Variants in ST8SIA1 observed in about 807,000 individuals in gnomAD.
ST8SIA1 encodes the protein ST8 alpha-N-acetyl-neuraminide alpha-2,8-sialyltransferase 1.
ST8SIA1 carries 16 observed loss-of-function variants against 35.9 expected under a neutral mutation model. That is an observed-to-expected ratio of 0.45 (90% CI 0.30 to 0.68). ST8SIA1 has a LOEUF of 0.68. ST8SIA1 is among the 30% of genes least tolerant of loss of function. The pLI is 0.09. For missense variants in ST8SIA1, 383 were observed against 453.6 expected (o/e 0.84, Z 1.41); for synonymous variants, 170 against 169.6 (o/e 1.00, Z -0.02).
chr12:22,231,718 C>G (rs951407268), intron 4 of ST8SIA1, among the ~76,000 whole-genome samples: 1 of 151,944 alleles, frequency 6.6e-6, no homozygotes, highest in Non-Finnish European at 1.5e-5. Flanking sequence ...GGACTACAGG[C>G]ACCCACCACC....
intron 4 of ST8SIA1, among the ~76,000 whole-genome samples, chr12:22,214,054 A>G (rs1004711300): frequency 3.9e-5 from 6 of 152,214 alleles, no homozygotes; most frequent in African/African-American, 1.4e-4. Flanking sequence ...GAGAAAGACT[A>G]TTATCCAAAT....
chr12:22,215,860 C>G (rs976710), intron 4 of ST8SIA1, among the ~76,000 whole-genome samples: 98,149 of 152,060 alleles, frequency 0.65, 31,987 homozygotes, highest in South Asian at 0.83. Context: ...GCAGGTCAAA[C>G]ACAGTTGTTT....
intron 2 of ST8SIA1, among the ~76,000 whole-genome samples, chr12:22,276,102 G>T (rs1362793201): frequency 6.6e-6 from 1 of 152,158 alleles, no homozygotes. Context: ...TTTCCCTCAG[G>T]CCTCTGCCTA....
At chr12:22,255,158 G>A (rs1865715428) in intron 3 of ST8SIA1, 122 bp downstream of exon 3, 4 of 769,380 alleles carry the variant, frequency 5.2e-6, no homozygotes, top group African/African-American at 5.1e-5. Flanking sequence ...TGGAAGTGAA[G>A]CTAAGGAGCG....
In ST8SIA1 at chr12:22,195,212, A is replaced by AAAG. The variant is rs66861803; in HGVS notation, c.*6339_*6340insCTT. The AAAG allele has an allele frequency of 7.9e-6, 1 of 127,178 alleles. No homozygotes were observed. The highest frequency in any genetic ancestry group is 1.7e-5 in the Non-Finnish European group (1 of 59,200). 7.9% of individuals were successfully genotyped at this position (127,178 alleles called of 1,614,324 possible). On this transcript the variant is annotated 3_prime_UTR_variant, in exon 5 of 5. Coordinates refer to ENST00000396037, the MANE Select transcript of ST8SIA1 (RefSeq NM_003034.4). ...ACAAAAAAAAAAAAAAAAAAAAAAA[A>AAAG]GAAAGAAAGAAAGAAAGGAAAAAGA...
intron 1 of ST8SIA1, among the ~76,000 whole-genome samples, chr12:22,320,173 A>G (rs991962269): frequency 6.6e-5 from 10 of 152,208 alleles, no homozygotes; most frequent in African/African-American, 2.4e-4. Context: ...TCTATAATGC[A>G]TCTATTTAAA....
chr12:22,266,830 C>T (rs1360858970), intron 2 of ST8SIA1, among the ~76,000 whole-genome samples: 1 of 145,476 alleles, frequency 6.9e-6, no homozygotes, highest in African/African-American at 2.5e-5. Flanking sequence ...CTCACACCCA[C>T]ACACATACAC....
chr12:22,195,205 A>AG lies in ST8SIA1; in HGVS notation c.*6346_*6347insC, dbSNP rs569476363. On this transcript the variant is annotated 3_prime_UTR_variant, in exon 5 of 5. Coordinates refer to ENST00000396037, the MANE Select transcript of ST8SIA1 (RefSeq NM_003034.4). ...TGTCTCAACAAAAAAAAAAAAAAAA[A>AG]AAAAAAAGAAAGAAAGAAAGAAAGG... 23,822 of 134,226 alleles carry AG rather than the reference A, an allele frequency of 0.18. 2,293 individuals are homozygous for AG. The highest frequency in any genetic ancestry group is 0.39 in the East Asian group (1,704 of 4,392). The allele number at this position is 134,226 out of a possible 1,614,324, so 8.3% of individuals were successfully genotyped here.
chr12:22,332,357 T>A (rs990427189), intron 1 of ST8SIA1, among the ~76,000 whole-genome samples: 2 of 152,220 alleles, frequency 1.3e-5, no homozygotes, highest in African/African-American at 4.8e-5. Context: ...CACTTGACTG[T>A]ATCCTCCAAC....
intron 4 of ST8SIA1, among the ~76,000 whole-genome samples, chr12:22,243,015 G>T (rs752521693): frequency 5.3e-5 from 8 of 152,150 alleles, no homozygotes; most frequent in Non-Finnish European, 8.8e-5. Context: ...CTGTAGCAAA[G>T]CTCCTTCTTA....
intron 1 of ST8SIA1, among the ~76,000 whole-genome samples, chr12:22,308,874 T>G (rs961034807): frequency 3.9e-5 from 6 of 152,134 alleles, no homozygotes; most frequent in Non-Finnish European, 5.9e-5. Context: ...CTCTCTCCCC[T>G]GATAAAACAG....
chr12:22,322,882 G>C (rs1158879343), intron 1 of ST8SIA1, among the ~76,000 whole-genome samples: 3 of 152,192 alleles, frequency 2.0e-5, no homozygotes, highest in African/African-American at 7.2e-5. Flanking sequence ...CTTAAAATTA[G>C]AGTTGTGAAA....
chr12:22,202,088 T>A, intron 4 of ST8SIA1, 50 bp from the exon 5 acceptor site: 1 of 1,505,684 alleles, frequency 6.6e-7, no homozygotes, highest in Non-Finnish European at 8.8e-7. Flanking sequence ...AAAAAGAAAC[T>A]CACCAAAACC....
chr12:22,301,386 A>G (rs1212918520), intron 1 of ST8SIA1, among the ~76,000 whole-genome samples: 1 of 151,662 alleles, frequency 6.6e-6, no homozygotes, highest in Non-Finnish European at 1.5e-5. Flanking sequence ...TTTTTGCTTA[A>G]AATGTTGCTG....
intron 2 of ST8SIA1, 143 bp downstream of exon 2, chr12:22,287,006 G>T: frequency 1.4e-6 from 1 of 716,672 alleles, no homozygotes; most frequent in Non-Finnish European, 2.2e-6. Flanking sequence ...ACACACAGAT[G>T]ACAGATATAA....
chr12:22,229,006 A>G (rs769782313), intron 4 of ST8SIA1, among the ~76,000 whole-genome samples: 4 of 147,440 alleles, frequency 2.7e-5, no homozygotes, highest in Non-Finnish European at 4.4e-5. Flanking sequence ...GTAAGCTGAG[A>G]TCGCACCACT....
At chr12:22,276,799 G>GGA (rs1591841798) in intron 2 of ST8SIA1, among the ~76,000 whole-genome samples, 1 of 151,694 alleles carries the variant, frequency 6.6e-6, no homozygotes, top group Admixed American at 6.6e-5. Context: ...CAGGAAGAGG[G>GGA]GAGAGAGAGA....
intron 2 of ST8SIA1, among the ~76,000 whole-genome samples, chr12:22,276,907 A>G (rs1865975532): frequency 6.6e-6 from 1 of 152,094 alleles, no homozygotes; most frequent in Non-Finnish European, 1.5e-5. Flanking sequence ...CTGTATCTGC[A>G]AGACTTGTAC....
At chr12:22,307,056 T>A (rs531455817) in intron 1 of ST8SIA1, among the ~76,000 whole-genome samples, 2 of 152,234 alleles carry the variant, frequency 1.3e-5, no homozygotes, top group South Asian at 4.1e-4. Context: ...TCATTTGTTC[T>A]GTATTCTTCT....
Sources: allele counts gnomAD v4.1 joint callset (sites outside exome capture counted in the v4.1 genomes callset), GRCh38; gene constraint gnomAD v4.1.1; transcripts MANE v1.5; gene names NCBI Gene and HGNC (gene_info 2026-07-23, HGNC 2026-07-21).